Variants in MRTFB observed in about 807,000 individuals in gnomAD.
The protein encoded by MRTFB is myocardin-related transcription factor B.
MRTFB carries 29 observed loss-of-function variants against 104.2 expected under a neutral mutation model. That is an observed-to-expected ratio of 0.28 (90% CI 0.21 to 0.38). The LOEUF (loss-of-function observed/expected upper bound fraction) is 0.38. MRTFB is among the 10% of genes least tolerant of loss of function. The probability of loss-of-function intolerance (pLI) is 1.00; values close to 1 mark genes in which losing one functional copy is unlikely to be tolerated. For synonymous variants in MRTFB, 535 were observed against 519.5 expected (o/e 1.03, Z -0.41); for missense variants, 1,270 against 1,341.6 (o/e 0.95, Z 0.83).
At chr16:14,147,367 A>C (rs1430769068) in intron 3 of MRTFB, among the ~76,000 whole-genome samples, 1 of 152,254 alleles carries the variant, frequency 6.6e-6, no homozygotes, top group African/African-American at 2.4e-5. Context: ...ACCCTTCAAA[A>C]TGAAAAAGAA....
chr16:14,002,531 C>T, the MRTFB span, among the ~76,000 whole-genome samples: 1 of 152,116 alleles, frequency 6.6e-6, no homozygotes, highest in Non-Finnish European at 1.5e-5. Context: ...GCGTTGAATG[C>T]TGGAGGGGTA....
the MRTFB span, among the ~76,000 whole-genome samples, chr16:13,998,197 T>A: frequency 1.3e-5 from 2 of 152,196 alleles, no homozygotes; most frequent in South Asian, 4.1e-4. Context: ...AGAGTGCGAA[T>A]TTTATTTTGA....
At chr16:14,092,221 G>A (rs1007366854) in intron 2 of MRTFB, among the ~76,000 whole-genome samples, 3 of 152,156 alleles carry the variant, frequency 2.0e-5, no homozygotes, top group African/African-American at 7.2e-5. Flanking sequence ...TAGAAACCCT[G>A]AGAGGACAGG....
At chr16:14,094,353 T>C (rs1282996132) in intron 2 of MRTFB, among the ~76,000 whole-genome samples, 1 of 152,206 alleles carries the variant, frequency 6.6e-6, no homozygotes, top group East Asian at 1.9e-4. Flanking sequence ...GTAGAAAGTA[T>C]AAAACAGTTA....
At chr16:14,117,352 C>A (rs192012200) in intron 2 of MRTFB, among the ~76,000 whole-genome samples, 1 of 152,386 alleles carries the variant, frequency 6.6e-6, no homozygotes. Flanking sequence ...AAGGCCCTTA[C>A]ACCCTTCCTT....
the MRTFB span, chr16:14,009,432 A>C: frequency 6.6e-6 from 1 of 152,150 alleles, no homozygotes; most frequent in Non-Finnish European, 1.5e-5. Flanking sequence ...ATAATCTTCT[A>C]TGTACAAGGT....
At chr16:14,016,072 A>C in the MRTFB span, 1 of 398,296 alleles carries the variant, frequency 2.5e-6, no homozygotes, top group East Asian at 3.6e-5. Flanking sequence ...GGGTGGACCC[A>C]CTGCTCTGTT....
At chr16:14,061,749 G>T in the MRTFB span, among the ~76,000 whole-genome samples, 3 of 151,968 alleles carry the variant, frequency 2.0e-5, no homozygotes, top group Non-Finnish European at 4.4e-5. Flanking sequence ...GGAGGGGGAG[G>T]GCCAAGGAAG....
intron 3 of MRTFB, among the ~76,000 whole-genome samples, chr16:14,208,594 C>A (rs1185181569): frequency 6.6e-6 from 1 of 152,174 alleles, no homozygotes; most frequent in African/African-American, 2.4e-5. Flanking sequence ...TTTCTCCTCT[C>A]AGTTGTCTTT....
At chr16:14,121,858 C>G (rs1444316061) in intron 2 of MRTFB, among the ~76,000 whole-genome samples, 1 of 152,144 alleles carries the variant, frequency 6.6e-6, no homozygotes, top group African/African-American at 2.4e-5. Context: ...TAAAATGTGA[C>G]AGGTGCAATT....
chr16:14,179,599 T>G (rs1385319151), intron 3 of MRTFB, among the ~76,000 whole-genome samples: 1 of 152,218 alleles, frequency 6.6e-6, no homozygotes, highest in Non-Finnish European at 1.5e-5. Flanking sequence ...ACTGCTTGAC[T>G]AAAATTAGTC....
upstream of MRTFB, chr16:14,071,265 G>C (rs964744552): frequency 6.5e-6 from 1 of 153,724 alleles, no homozygotes; most frequent in African/African-American, 2.4e-5. Context: ...TCTAGCCTGG[G>C]GTCCGCGCGC....
At chr16:14,258,034 C>T in intron 15 of MRTFB, 67 bp from the exon 16 acceptor site, 1 of 1,347,604 alleles carries the variant, frequency 7.4e-7, no homozygotes, top group Non-Finnish European at 1.1e-6. Flanking sequence ...TCCCTTAGGA[C>T]TGCTAATTAT....
chr16:14,110,196 G>T (rs2036199501), intron 2 of MRTFB, among the ~76,000 whole-genome samples: 1 of 152,214 alleles, frequency 6.6e-6, no homozygotes, highest in Non-Finnish European at 1.5e-5. Context: ...AAGTCCTGGG[G>T]TAAAGCCAGA....
chr16:14,004,509 G>A, the MRTFB span, among the ~76,000 whole-genome samples: 1 of 152,266 alleles, frequency 6.6e-6, no homozygotes, highest in African/African-American at 2.4e-5. Context: ...GGACATTCAG[G>A]GGCACCATGA....
the MRTFB span, among the ~76,000 whole-genome samples, chr16:14,017,687 G>GTATATATATATATATA: frequency 1.8e-3 from 12 of 6,808 alleles, no homozygotes; most frequent in Admixed American, 6.3e-3. Flanking sequence ...GTGTGTGTGT[G>GTATATATATATATATA]TATATATATA....
chr16:14,092,303 A>T (rs763947902), intron 2 of MRTFB, among the ~76,000 whole-genome samples: 1 of 152,148 alleles, frequency 6.6e-6, no homozygotes, highest in Non-Finnish European at 1.5e-5. Flanking sequence ...TGTACAGTAT[A>T]TATCTATGTA....
intron 3 of MRTFB, chr16:14,200,635 T>C: frequency 6.3e-7 from 1 of 1,575,888 alleles, no homozygotes; most frequent in South Asian, 1.1e-5. Context: ...GTTGGTGGAA[T>C]CACGTTGATG....
chr16:14,052,079 C>A, the MRTFB span, among the ~76,000 whole-genome samples: 8 of 152,134 alleles, frequency 5.3e-5, no homozygotes, highest in Non-Finnish European at 1.2e-4. Flanking sequence ...CCCACCCTTA[C>A]ACAAGCTTAA....
Sources: gnomAD v4.1 joint callset for allele counts (sites outside exome capture counted in the v4.1 genomes callset) on GRCh38, gnomAD v4.1.1 for gene constraint, MANE v1.5 for transcripts, NCBI Gene and HGNC (gene_info 2026-07-23, HGNC 2026-07-21) for gene names.